The following CCDC180 variants were observed in gnomAD, a reference collection of about 807,000 sequenced individuals.
The protein encoded by CCDC180 is coiled-coil domain containing 180, also known as coiled-coil domain-containing protein 180.
A neutral mutation model predicts 209.2 loss-of-function variants in CCDC180; 154 were observed. The ratio of observed to expected loss-of-function variants is 0.74; its 90% CI spans 0.65 to 0.84. The LOEUF (loss-of-function observed/expected upper bound fraction) is 0.84, where lower values mean the gene tolerates loss of function less well. Ranked by LOEUF, CCDC180 falls within the 40% of genes least tolerant of loss-of-function variation. The pLI is 0.00. For missense variants in CCDC180, 1,874 were observed against 1,997.3 expected (o/e 0.94, Z 1.18); for synonymous variants, 778 against 749.1 (o/e 1.04, Z -0.63).
intron 17 of CCDC180, 62 bp from the exon 18 acceptor site, chr9:97,330,260 G>A (rs896906068): frequency 1.2e-6 from 2 of 1,606,050 alleles, no homozygotes; most frequent in Non-Finnish European, 1.7e-6. Flanking sequence ...GGGTTGGGAG[G>A]CCCAATCCAG....
rs1587832035 is a variant in CCDC180, at chr9:97,364,141, G to A, written c.3980+13G>A. 1.2e-6 allele frequency: 2 copies of A among 1,613,346 alleles called. No homozygotes were observed. The highest frequency in any genetic ancestry group is 1.7e-6 in the Non-Finnish European group (2 of 1,179,498). On this transcript the variant is annotated intron_variant, in intron 29 of 36. Transcript: ENST00000529487. Reference sequence around the variant, plus strand: ...CCCCTGCTGCCGAGTGAGTAACAACGCCTTTCCTTTTGACTGCATTTAACC... The same window carrying A: ...CCCCTGCTGCCGAGTGAGTAACAACACCTTTCCTTTTGACTGCATTTAACC...
intron 32 of CCDC180, among the ~76,000 whole-genome samples, 168 bp downstream of exon 32, chr9:97,370,250 G>A (rs920544402): frequency 6.6e-6 from 1 of 152,144 alleles, no homozygotes; most frequent in East Asian, 1.9e-4. Context: ...TAAGAACTGA[G>A]CCAACAGCTT....
rs746336053 is a variant in CCDC180 at position 97,314,383 on chromosome 9, C to A, written c.460-10C>A. The stretch of plus-strand genomic sequence containing the variant: ...GATGCCTTGGCCATCATACCCCTGG[C>A]CTGTTGCAGGAAATGGAACCTCTCA... On this transcript the variant is annotated splice_polypyrimidine_tract_variant and intron_variant, in intron 5 of 36. Transcript: ENST00000529487. 1 of 1,614,076 alleles carries A rather than the reference C, an allele frequency of 6.2e-7. No homozygotes were observed. Among genetic ancestry groups the A allele is most frequent in the Non-Finnish European group, 8.5e-7 (1 of 1,179,972 alleles).
Position 97,370,640 on chromosome 9 carries a change from G to A in CCDC180, c.4351-1G>A, listed in dbSNP as rs1827058927. On this transcript the variant is annotated splice_acceptor_variant, in intron 32 of 36. Coordinates refer to ENST00000529487, the MANE Select transcript of CCDC180 (RefSeq NM_020893.6). LOFTEE classifies it high-confidence loss of function. ...CTGAATTCTGGATTGTTTGATTAAAGGACAAAAATGCCCAGAAGCTCCATC... is the reference window on the plus strand; with the variant it reads ...CTGAATTCTGGATTGTTTGATTAAAAGACAAAAATGCCCAGAAGCTCCATC... 4.3e-6 allele frequency: 7 copies of A among 1,613,294 alleles called. No homozygotes were observed. The East Asian group carries it at 1.6e-4, about 36-fold the overall frequency.
At chr9:97,334,023 G>A (rs1186299843) in intron 18 of CCDC180, among the ~76,000 whole-genome samples, 1 of 151,842 alleles carries the variant, frequency 6.6e-6, no homozygotes, top group Non-Finnish European at 1.5e-5. Context: ...GGGGGAACAA[G>A]GGAATTGTTA....
intron 10 of CCDC180, among the ~76,000 whole-genome samples, chr9:97,319,394 C>T (rs941500114): frequency 1.3e-5 from 2 of 152,054 alleles, no homozygotes; most frequent in Non-Finnish European, 1.5e-5. Flanking sequence ...AGGTAAATCA[C>T]GTGTTGTGGG....
intron 9 of CCDC180, 34 bp downstream of exon 9, chr9:97,317,262 C>T (rs2118576552): frequency 6.7e-7 from 1 of 1,491,342 alleles, no homozygotes; most frequent in Admixed American, 2.2e-5. Context: ...TTCTCCAGCC[C>T]ACCAGGGGGG....
chr9:97,365,796 A>G, intron 30 of CCDC180, 57 bp downstream of exon 30: 1 of 1,506,004 alleles, frequency 6.6e-7, no homozygotes, highest in Admixed American at 1.7e-5. Flanking sequence ...TGCCTTCTGC[A>G]GTCTGCTGAT....
At chr9:97,336,302 C>G (rs1488922714) in intron 18 of CCDC180, among the ~76,000 whole-genome samples, 2 of 152,130 alleles carry the variant, frequency 1.3e-5, no homozygotes, top group Admixed American at 6.5e-5. Context: ...TTAGGTCTAA[C>G]ATTTAAGTCT....
chr9:97,357,678 C>T lies in CCDC180; in HGVS notation c.3316C>T (p.Leu1106Phe). 1 of 1,613,582 alleles carries T rather than the reference C, an allele frequency of 6.2e-7. No homozygotes were observed. The highest frequency in any genetic ancestry group is 8.5e-7 in the Non-Finnish European group (1 of 1,179,898). The change falls in exon 25 of 37, where the codon CTT becomes TTT. Residue 1106 changes from leucine to phenylalanine, a missense_variant. By Grantham distance (22) the Leu-to-Phe change is conservative. Coordinates refer to ENST00000529487, the MANE Select transcript of CCDC180 (RefSeq NM_020893.6). Reference sequence around the variant, plus strand: ...TGGATTAAATTTCTCTCTGCAACAGCTTCAGAACAAGATAAAAACTTGTCA... The same window carrying T: ...TGGATTAAATTTCTCTCTGCAACAGTTTCAGAACAAGATAAAAACTTGTCA... ...TNGLNFSLQQ[L>F]QNKIKTCQES...
chr9:97,328,293 C>A (rs1363465133), intron 16 of CCDC180, 147 bp downstream of exon 16: 45 of 900,746 alleles, frequency 5.0e-5, no homozygotes, highest in Non-Finnish European at 6.8e-5. Context: ...CTGAAAGTGT[C>A]TCTAAAGAGA....
intron 26 of CCDC180, 92 bp downstream of exon 26, chr9:97,360,193 G>C: frequency 2.0e-6 from 3 of 1,484,390 alleles, no homozygotes; most frequent in Non-Finnish European, 2.7e-6. Flanking sequence ...CCAAAGGGAA[G>C]AGGGGACTCC....
At chr9:97,375,843 G>T (rs1341512110) in intron 36 of CCDC180, 1 of 504,492 alleles carries the variant, frequency 2.0e-6, no homozygotes, top group East Asian at 3.2e-5. Flanking sequence ...CCCAGATTAG[G>T]GGTGAAGGCT....
At chr9:97,357,107 T>A (rs140200690) in intron 24 of CCDC180, among the ~76,000 whole-genome samples, 30 of 152,364 alleles carry the variant, frequency 2.0e-4, no homozygotes, top group Middle Eastern at 3.4e-3. Context: ...CTGTGAGAGG[T>A]GCACTTGCCA....
intron 13 of CCDC180, 98 bp from the exon 14 acceptor site, chr9:97,324,921 G>C (rs1354311283): frequency 5.2e-6 from 6 of 1,145,458 alleles, no homozygotes; most frequent in Non-Finnish European, 7.4e-6. Flanking sequence ...GGGCAATACT[G>C]TTCAGTCGTT....
chr9:97,354,572 GT>G lies in CCDC180; in HGVS notation c.3010del (p.Ser1004GlnfsTer25). 1 of 1,614,028 alleles carries G rather than the reference GT, an allele frequency of 6.2e-7. No individual in the cohort carries two copies. Among genetic ancestry groups the G allele is most frequent in the East Asian group, 2.2e-5 (1 of 44,878 alleles). ...ATTTGTCTTTGATTATTTTCAGATTGTTTTCAGAGGGAGGCAACTTTTCTCC... is the reference window on the plus strand; with the variant it reads ...ATTTGTCTTTGATTATTTTCAGATTGTTTCAGAGGGAGGCAACTTTTCTCC... The part of the protein sequence containing the change: ...NIEFIKHCRL[F>X]SEGGNFSPKE... On this transcript the variant is annotated frameshift_variant, in exon 23 of 37. Transcript: ENST00000529487. LOFTEE classifies it high-confidence loss of function.
chr9:97,376,965 C>T lies in CCDC180; in HGVS notation c.*71C>T. ...CCCTGTCCATCTACCTGCCTACCTACTTTCCGTCCATCCCTCCCTCCCTTC... is the reference window on the plus strand; with the variant it reads ...CCCTGTCCATCTACCTGCCTACCTATTTTCCGTCCATCCCTCCCTCCCTTC... On this transcript the variant is annotated 3_prime_UTR_variant, in exon 37 of 37. Coordinates refer to ENST00000529487, the MANE Select transcript of CCDC180 (RefSeq NM_020893.6). 2.0e-6 allele frequency: 3 copies of T among 1,527,816 alleles called. No homozygotes were observed. Among genetic ancestry groups the T allele is most frequent in the Non-Finnish European group, 1.8e-6 (2 of 1,132,016 alleles). 94.6% of individuals were successfully genotyped at this position (1,527,816 alleles called of 1,614,324 possible). A position where few individuals can be genotyped will look rare whatever the true frequency, so the allele number is the denominator to read the frequency against.
intron 21 of CCDC180, 83 bp downstream of exon 21, chr9:97,349,374 C>G: frequency 8.1e-7 from 1 of 1,231,766 alleles, no homozygotes; most frequent in South Asian, 1.5e-5. Flanking sequence ...AGCCCCCCTC[C>G]CTGTAGACAC....
chr9:97,349,089 A>G lies in CCDC180; in HGVS notation c.2675-22A>G, dbSNP rs140268385. 2.5e-3 allele frequency: 3,842 copies of G among 1,528,646 alleles called. 7 individuals carry two copies. The highest frequency in any genetic ancestry group is 3.1e-3 in the Non-Finnish European group (3,530 of 1,142,534). 94.7% of individuals were successfully genotyped at this position (1,528,646 alleles called of 1,614,324 possible). On this transcript the variant is annotated intron_variant, in intron 20 of 36. Coordinates refer to ENST00000529487, the MANE Select transcript of CCDC180 (RefSeq NM_020893.6). ...AGGTGAATCGGGTCCCCGGGGCCCC[A>G]GCTCTCTTAATCCTTTTTCAGCCGA...
Sources: gnomAD v4.1 joint callset for allele counts (sites outside exome capture counted in the v4.1 genomes callset) on GRCh38, gnomAD v4.1.1 for gene constraint, MANE v1.5 for transcripts, NCBI Gene and HGNC (gene_info 2026-07-23, HGNC 2026-07-21) for gene names.